PKD1L1: variants seen among roughly 807,000 people sequenced by gnomAD.
PKD1L1 encodes polycystin-1-like protein 1.
A neutral mutation model predicts 323.4 loss-of-function variants in PKD1L1; 236 were observed. The ratio of observed to expected loss-of-function variants is 0.73; its 90% CI spans 0.66 to 0.81. PKD1L1 has a LOEUF of 0.81. PKD1L1 is among the 40% of genes least tolerant of loss of function. The pLI, the probability that PKD1L1 is intolerant of heterozygous loss-of-function variation, is 0.00. For missense variants in PKD1L1, 3,320 were observed against 3,508.0 expected, an observed-to-expected ratio of 0.95 and a Z score of 1.35; for synonymous variants, 1,344 against 1,335.0, an observed-to-expected ratio of 1.01 and a Z score of -0.15.
intron 50 of PKD1L1, among the ~76,000 whole-genome samples, chr7:47,811,098 T>C (rs1784882699): frequency 6.6e-6 from 1 of 151,928 alleles, no homozygotes; most frequent in Admixed American, 6.6e-5. Flanking sequence ...CTCACCAGGC[T>C]TGATCTTGAT....
intron 47 of PKD1L1, 81 bp from the exon 48 acceptor site, chr7:47,814,095 G>T: frequency 8.7e-7 from 1 of 1,147,624 alleles, no homozygotes; most frequent in Non-Finnish European, 1.3e-6. Flanking sequence ...AAAAGGCGTG[G>T]GGCTCTGGGT....
At chr7:47,842,645 CAG>C (rs1260370737) in intron 34 of PKD1L1, among the ~76,000 whole-genome samples, 1 of 152,204 alleles carries the variant, frequency 6.6e-6, no homozygotes, top group East Asian at 1.9e-4. Flanking sequence ...GCCCCAAGCT[CAG>C]AAGAGTACAA....
intron 37 of PKD1L1, 25 bp from the exon 38 acceptor site, chr7:47,835,268 T>G: frequency 6.8e-7 from 1 of 1,481,322 alleles, no homozygotes; most frequent in Non-Finnish European, 9.2e-7. Flanking sequence ...CAGCAGCCAT[T>G]ACATCAACTC....
In PKD1L1 at chr7:47,829,621, A is replaced by T. The variant is rs771774382; in HGVS notation, c.6559-20T>A. 4 of 1,592,496 alleles carry T rather than the reference A, an allele frequency of 2.5e-6. No individual in the cohort carries two copies. The highest frequency in any genetic ancestry group is 1.3e-5 in the African/African-American group (1 of 74,160). ...GCATACCTGGAAGGAAAAACATGAC[A>T]GCGCAGAGAGCCGCCCTATGTCTGT... On this transcript the variant is annotated intron_variant, in intron 43 of 56. Coordinates refer to ENST00000289672, the MANE Select transcript of PKD1L1 (RefSeq NM_138295.5).
chr7:47,836,838 A>G (rs1785466615), intron 37 of PKD1L1, 83 bp downstream of exon 37: 2 of 1,452,310 alleles, frequency 1.4e-6, no homozygotes, highest in Non-Finnish European at 9.3e-7. Context: ...GAGAACTGTG[A>G]GCTTTGTTGA....
rs549954607 is a variant in PKD1L1 at position 47,893,996 on chromosome 7, C to T, written c.2335G>A (p.Ala779Thr). ...CCCTCGGAGATCACACTGACAGGGG[C>T]CTGGGCTCGCACCTCCAGGCCCACA... is the stretch of plus-strand genomic sequence containing the variant. ...YCVGLEVRAQAPVSVISEGTH... is the reference protein window; with the variant it reads ...YCVGLEVRAQTPVSVISEGTH... The change falls in exon 15 of 57, where the codon GCC becomes ACC. Residue 779 changes from alanine to threonine, a missense_variant. By Grantham distance (58) the Ala-to-Thr change is moderately conservative. Coordinates refer to ENST00000289672, the MANE Select transcript of PKD1L1 (RefSeq NM_138295.5). The T allele has an allele frequency of 6.1e-5, 98 of 1,612,698 alleles. No individual in the cohort carries two copies. The South Asian group carries it at 1.0e-3, about 17-fold the overall frequency.
In PKD1L1 at chr7:47,815,416, T is replaced by A. The variant is rs1338318930; in HGVS notation, c.7007A>T (p.Asp2336Val). The A allele has an allele frequency of 6.2e-7, 1 of 1,614,048 alleles. No homozygotes were observed. The highest frequency in any genetic ancestry group is 8.5e-7 in the Non-Finnish European group (1 of 1,179,950). ...TGTGGTCAGACTCCAGTCCCACCAG[T>A]CAGCGATGTTTCTCAGGCCACCCAA... ...NCLGGLRNIA[D>V]WWDWSLTTLL... The change falls in exon 47 of 57, where the codon GAC becomes GTC. Residue 2336 changes from aspartate to valine, a missense_variant. Transcript: ENST00000289672.
intron 47 of PKD1L1, among the ~76,000 whole-genome samples, chr7:47,814,254 T>C (rs1784967845): frequency 6.6e-6 from 1 of 152,236 alleles, no homozygotes; most frequent in African/African-American, 2.4e-5. Flanking sequence ...GTAACTTTCG[T>C]CACATGAGAA....
intron 45 of PKD1L1, among the ~76,000 whole-genome samples, chr7:47,824,098 T>C (rs1338957604): frequency 6.6e-6 from 1 of 152,258 alleles, no homozygotes; most frequent in African/African-American, 2.4e-5. Context: ...GTTCATCTTG[T>C]ACATTTTCCA....
At chr7:47,872,877 G>GTGA (rs1355397771) in intron 24 of PKD1L1, among the ~76,000 whole-genome samples, 2 of 152,170 alleles carry the variant, frequency 1.3e-5, no homozygotes, top group African/African-American at 4.8e-5. Context: ...TCATAGCAGT[G>GTGA]TGATTCATTA....
chr7:47,955,465 T>G, the PKD1L1 span, among the ~76,000 whole-genome samples: 1 of 152,336 alleles, frequency 6.6e-6, no homozygotes, highest in African/African-American at 2.4e-5. Flanking sequence ...CTCATAAATA[T>G]CCAGATTTAA....
At chr7:47,806,017 C>T (rs1378331494) in intron 52 of PKD1L1, among the ~76,000 whole-genome samples, 1 of 152,186 alleles carries the variant, frequency 6.6e-6, no homozygotes, top group African/African-American at 2.4e-5. Flanking sequence ...AAGAGGGGCT[C>T]TCCCCAGGTA....
chr7:47,809,482 G>A lies in PKD1L1; in HGVS notation c.7677C>T (p.Asn2559=). The A allele has an allele frequency of 6.3e-7, 1 of 1,597,982 alleles. No homozygotes were observed. Among genetic ancestry groups the A allele is most frequent in the Non-Finnish European group, 8.5e-7 (1 of 1,170,402 alleles). Residue 2559 remains asparagine, a synonymous_variant, in exon 51 of 57, where the codon AAC becomes AAT. Coordinates refer to ENST00000289672, the MANE Select transcript of PKD1L1 (RefSeq NM_138295.5). ...ACACAAGAGAGGCTACCTCCAGCCAGTTCCTTGGCTTTCGCCAGTAGCTGA... is the reference window on the plus strand; with the variant it reads ...ACACAAGAGAGGCTACCTCCAGCCAATTCCTTGGCTTTCGCCAGTAGCTGA... ...GVLSYWRKPR[N]WLELSVVGVS... is the part of the protein sequence containing the mutation.
chr7:47,831,509 G>C (rs1311005946), intron 41 of PKD1L1, among the ~76,000 whole-genome samples, 157 bp from the exon 42 acceptor site: 2 of 152,170 alleles, frequency 1.3e-5, no homozygotes, highest in African/African-American at 4.8e-5. Context: ...CGGGGTTGGG[G>C]GTGTTTCCAG....
rs61097863 is a variant in PKD1L1, at chr7:47,775,816, G to GA, written c.8527-651dup. Among the ~76,000 whole-genome samples, 434 of 132,494 alleles carry GA rather than the reference G, an allele frequency of 3.3e-3. 4 individuals are homozygous for GA. Among genetic ancestry groups the GA allele is most frequent in the African/African-American group, 8.7e-3 (310 of 35,574 alleles). 86.9% of individuals were successfully genotyped at this position (132,494 alleles called of 152,430 possible). A position where few individuals can be genotyped will look rare whatever the true frequency, so the allele number is the denominator to read the frequency against. ...GCAGAAACCAGTGCTGTAGATAACAGAAAAAAAAAAAAAATAGAGAAAACG... is the reference window on the plus strand; with the variant it reads ...GCAGAAACCAGTGCTGTAGATAACAGAAAAAAAAAAAAAAATAGAGAAAACG... On this transcript the variant is annotated intron_variant, in intron 56 of 56. Transcript: ENST00000289672.
intron 17 of PKD1L1, among the ~76,000 whole-genome samples, chr7:47,886,644 G>A (rs146373420): frequency 9.3e-4 from 142 of 152,168 alleles, no homozygotes; most frequent in Middle Eastern, 3.4e-3. Flanking sequence ...CTGCCCTGCC[G>A]CCTCACTCCT....
chr7:47,792,052 T>A (rs1346342790), intron 56 of PKD1L1, among the ~76,000 whole-genome samples: 1 of 152,232 alleles, frequency 6.6e-6, no homozygotes, highest in Non-Finnish European at 1.5e-5. Context: ...GACGGCTTCC[T>A]GCACGTTTTG....
intron 31 of PKD1L1, among the ~76,000 whole-genome samples, chr7:47,850,088 T>C (rs1374235516): frequency 1.3e-5 from 2 of 151,968 alleles, no homozygotes; most frequent in Non-Finnish European, 2.9e-5. Context: ...GGGTGATGGG[T>C]GCACCAAAAT....
the PKD1L1 span, among the ~76,000 whole-genome samples, chr7:47,959,085 A>T: frequency 6.6e-6 from 1 of 152,242 alleles, no homozygotes; most frequent in African/African-American, 2.4e-5. Context: ...CGGCCTCCCG[A>T]GGTGCCGGGA....
Sources: allele counts gnomAD v4.1 joint callset (sites outside exome capture counted in the v4.1 genomes callset), GRCh38; gene constraint gnomAD v4.1.1; transcripts MANE v1.5; gene names NCBI Gene and HGNC (gene_info 2026-07-23, HGNC 2026-07-21).